Variants in MLH3 observed in about 807,000 individuals in gnomAD.
The protein encoded by MLH3 is DNA mismatch repair protein Mlh3.
In MLH3, 82 loss-of-function variants were observed where a neutral mutation model predicts 122.2. That is an observed-to-expected ratio of 0.67 (90% CI 0.56 to 0.81). The LOEUF is 0.81. Ranked by LOEUF, MLH3 falls within the 30% of genes least tolerant of loss-of-function variation. The probability of loss-of-function intolerance (pLI) is 0.00; values close to 1 mark genes in which losing one functional copy is unlikely to be tolerated. For synonymous variants in MLH3, 524 were observed against 599.5 expected, an observed-to-expected ratio of 0.87 and a Z score of 1.84; for missense variants, 1,539 against 1,714.5, an observed-to-expected ratio of 0.90 and a Z score of 1.81.
At chr14:75,032,210 T>C in intron 7 of MLH3, 31 bp from the exon 8 acceptor site, 2 of 1,298,918 alleles carry the variant, frequency 1.5e-6, no homozygotes, top group African/African-American at 1.5e-5. Context: ...GGGTTAAGAG[T>C]AGGAAGGGAA....
rs1357689104 is a variant in MLH3 at position 75,047,570 on chromosome 14, C to T, written c.2086G>A (p.Ala696Thr). ...GATTTTTTGCTACCTTCCTGAAAAGCAGAAAACATTGTATAAGTTGCTGTA... is the reference window on the plus strand; with the variant it reads ...GATTTTTTGCTACCTTCCTGAAAAGTAGAAAACATTGTATAAGTTGCTGTA... ...EPTATYTMFS[A>T]FQEGSKKSQT... The change falls in exon 2 of 13, where the codon GCT becomes ACT. Residue 696 changes from alanine to threonine, a missense_variant. Transcript: ENST00000355774. 4 of 1,613,910 alleles carry T rather than the reference C, an allele frequency of 2.5e-6. No individual in the cohort carries two copies. The highest frequency in any genetic ancestry group is 2.7e-5 in the African/African-American group (2 of 74,908).
At chr14:75,042,306 C>A in intron 3 of MLH3, 73 bp downstream of exon 3, 1 of 1,319,758 alleles carries the variant, frequency 7.6e-7, no homozygotes, top group Non-Finnish European at 1.1e-6. Flanking sequence ...AAGCTTAATG[C>A]AAGCCTGCTT....
At chr14:75,022,583 G>A (rs1045247358) in intron 11 of MLH3, among the ~76,000 whole-genome samples, 1 of 152,112 alleles carries the variant, frequency 6.6e-6, no homozygotes, top group Non-Finnish European at 1.5e-5. Context: ...TCTCCTCTAG[G>A]AGTTATTCCT....
Position 75,046,667 on chromosome 14 carries a change from T to G in MLH3, c.2989A>C (p.Ser997Arg), listed in dbSNP as rs2139550718. ...AACATTCCACTGGGAGAGTCAAGACTTCCTATCTGTTGTTCTGAGGCTCTG... is the reference window on the plus strand; with the variant it reads ...AACATTCCACTGGGAGAGTCAAGACGTCCTATCTGTTGTTCTGAGGCTCTG... ...LIRASEQQIG[S>R]LDSPSGMLMN... is the part of the protein sequence containing the mutation. The change falls in exon 2 of 13, where the codon AGT becomes CGT. Residue 997 changes from serine to arginine, a missense_variant. Coordinates refer to ENST00000355774, the MANE Select transcript of MLH3 (RefSeq NM_001040108.2). The G allele has an allele frequency of 1.9e-6, 3 of 1,614,244 alleles. No homozygotes were observed. Among genetic ancestry groups the G allele is most frequent in the Non-Finnish European group, 2.5e-6 (3 of 1,180,032 alleles).
At position 75,014,064 on chromosome 14, in the gene MLH3, T is replaced by C. The variant is rs574209790; in HGVS notation, c.*3018A>G. On this transcript the variant is annotated 3_prime_UTR_variant, in exon 13 of 13. Transcript: ENST00000355774. ...AAACTGCTCTTCCTTCACTCCACTG[T>C]GCCATGACTGGCTCCCACCCGAAGC... 2.2e-4 allele frequency: 39 copies of C among 179,226 alleles called. No homozygotes were observed. The highest frequency in any genetic ancestry group is 8.9e-4 in the African/African-American group (38 of 42,468). The allele number at this position is 179,226 out of a possible 1,614,324, so 11.1% of individuals were successfully genotyped here.
Position 75,046,477 on chromosome 14 carries a change from T to C in MLH3, c.3179A>G (p.Lys1060Arg), listed in dbSNP as rs1267004451. 6.2e-7 allele frequency: 1 copy of C among 1,614,104 alleles called. No individual in the cohort carries two copies. Among genetic ancestry groups the C allele is most frequent in the Non-Finnish European group, 8.5e-7 (1 of 1,180,038 alleles). ...AATGAATGTGCTGAGTCCAGTCATT[T>C]TGTTGACATAAACCATTCTTCCCAG... ...VALGRMVYVN[K>R]MTGLSTFIAP... Residue 1060 changes from lysine to arginine, a missense_variant, in exon 2 of 13, where the codon AAA becomes AGA. Lys to Arg is a conservative substitution (Grantham distance 26). Transcript: ENST00000355774.
Position 75,018,763 on chromosome 14 carries a change from T to TA in MLH3, c.4242+65dup, listed in dbSNP as rs1281027363. ...GTTAAGACAGATTACAGTTGCATAG[T>TA]AAAAGCCAGAAAAGAAAGAGAAAAT... On this transcript the variant is annotated intron_variant, in intron 12 of 12. Transcript: ENST00000355774. The TA allele has an allele frequency of 4.5e-6, 7 of 1,571,430 alleles. No homozygotes were observed. In the African/African-American group the frequency reaches 8.1e-5, roughly 18 times the overall value.
intron 11 of MLH3, among the ~76,000 whole-genome samples, chr14:75,021,509 T>A (rs989012493): frequency 6.6e-6 from 1 of 152,118 alleles, no homozygotes; most frequent in Non-Finnish European, 1.5e-5. Flanking sequence ...TATTAAAAAA[T>A]GGGCAAAGGA....
intron 1 of MLH3, among the ~76,000 whole-genome samples, 179 bp downstream of exon 1, chr14:75,051,201 C>T (rs371870561): frequency 3.3e-5 from 5 of 152,164 alleles, no homozygotes; most frequent in African/African-American, 1.2e-4. Context: ...GGCCCAGCCC[C>T]TCCCTGGCCA....
rs1890074696 is a variant in MLH3 at position 75,018,846 on chromosome 14, A to C, written c.4225T>G (p.Leu1409Val). 1.1e-5 allele frequency: 17 copies of C among 1,614,152 alleles called. No homozygotes were observed. The highest frequency in any genetic ancestry group is 1.4e-5 in the Non-Finnish European group (17 of 1,180,020). ...TAATGTACCTGTTTTTCCTGTTCCAAGTGGTCTATGTCAGCTAACGGCAGC... is the reference window on the plus strand; with the variant it reads ...TAATGTACCTGTTTTTCCTGTTCCACGTGGTCTATGTCAGCTAACGGCAGC... ...SMLPLADIDH[L>V]EQEKQIKPNL... Residue 1409 changes from leucine (L) to valine (V), a missense_variant, in exon 12 of 13, where the codon TTG (leucine) becomes GTG (valine). Leu to Val is a conservative substitution (Grantham distance 32). Transcript: ENST00000355774.
At chr14:75,030,079 A>T (rs534537495) in intron 9 of MLH3, among the ~76,000 whole-genome samples, 13 of 152,100 alleles carry the variant, frequency 8.5e-5, no homozygotes, top group Non-Finnish European at 1.6e-4. Context: ...GCTTGTGCCC[A>T]GGAGATCAAG....
chr14:75,043,110 G>T lies in MLH3; in HGVS notation c.3281-633C>A, dbSNP rs28757004. On this transcript the variant is annotated intron_variant, in intron 2 of 12. Coordinates refer to ENST00000355774, the MANE Select transcript of MLH3 (RefSeq NM_001040108.2). ...TTTCATTGTCACAACTTGAGTAAAG[G>T]GTTCTACGTTCTACTAGCATCTAGC... Among the ~76,000 whole-genome samples, 4 of 152,178 alleles carry T rather than the reference G, an allele frequency of 2.6e-5. No individual in the cohort carries two copies. In the East Asian group the frequency reaches 7.7e-4, roughly 29 times the overall value.
chr14:75,025,311 C>G (rs1890558255), intron 9 of MLH3, among the ~76,000 whole-genome samples: 1 of 152,176 alleles, frequency 6.6e-6, no homozygotes. Flanking sequence ...TCTTCTGCCC[C>G]ACCTCATCCC....
chr14:75,048,065 T>G lies in MLH3; in HGVS notation c.1591A>C (p.Ser531Arg). The change falls in exon 2 of 13, where the codon AGT becomes CGT. Residue 531 changes from serine to arginine, a missense_variant. Ser to Arg is a moderately radical substitution (Grantham distance 110). Coordinates refer to ENST00000355774, the MANE Select transcript of MLH3 (RefSeq NM_001040108.2). ...SGQDLEIWKE[S>R]TTVNGMAANI... Reference sequence around the variant, plus strand: ...GCAGCCATGCCATTAACAGTAGTACTTTCTTTCCATATTTCTAGATCCTGC... The same window carrying G: ...GCAGCCATGCCATTAACAGTAGTACGTTCTTTCCATATTTCTAGATCCTGC... The G allele has an allele frequency of 6.2e-7, 1 of 1,614,078 alleles. No homozygotes were observed. The highest frequency in any genetic ancestry group is 8.5e-7 in the Non-Finnish European group (1 of 1,180,000).
Position 75,038,350 on chromosome 14 carries a change from AT to A in MLH3, c.3632del (p.Asn1211MetfsTer49), listed in dbSNP as rs780151637. The A allele has an allele frequency of 5.0e-6, 8 of 1,613,328 alleles. No homozygotes were observed. The South Asian group carries it at 7.7e-5, about 15-fold the overall frequency. ...ACLMSTKTEE[N>X]GEAGGNLLVL... ...AAACTCCATTCTTACCTGCCTCGCCATTCTCTTCAGTCTTAGTGCTCATCAA... is the reference window on the plus strand; with the variant it reads ...AAACTCCATTCTTACCTGCCTCGCCATCTCTTCAGTCTTAGTGCTCATCAA... On this transcript the variant is annotated frameshift_variant, in exon 6 of 13. Coordinates refer to ENST00000355774, the MANE Select transcript of MLH3 (RefSeq NM_001040108.2). LOFTEE classifies it high-confidence loss of function.
intron 2 of MLH3, among the ~76,000 whole-genome samples, chr14:75,046,148 C>T (rs1595081975): frequency 6.7e-6 from 1 of 149,642 alleles, no homozygotes; most frequent in South Asian, 2.1e-4. Flanking sequence ...CCACTGCACT[C>T]CAGCCTGGGT....
intron 1 of MLH3, among the ~76,000 whole-genome samples, 187 bp downstream of exon 1, chr14:75,051,193 C>CCCAGCCCCTCCCTGG (rs1417386717): frequency 5.3e-5 from 8 of 152,164 alleles, no homozygotes; most frequent in Non-Finnish European, 1.0e-4. Context: ...TCCCGCCAGG[C>CCCAGCCCCTCCCTGG]CCAGCCCCTC....
intron 12 of MLH3, among the ~76,000 whole-genome samples, chr14:75,017,975 GTC>G (rs5809690): frequency 0.46 from 70,348 of 151,340 alleles, 18,185 homozygotes; most frequent in East Asian, 0.83. Flanking sequence ...GAGAAACGCT[GTC>G]TCTACTAAAA....
intron 9 of MLH3, among the ~76,000 whole-genome samples, chr14:75,027,143 G>A (rs928348692): frequency 2.6e-5 from 4 of 151,782 alleles, no homozygotes; most frequent in African/African-American, 9.7e-5. Flanking sequence ...CAAAAGTAGT[G>A]AAATATTTTC....
Sources: allele counts gnomAD v4.1 joint callset (sites outside exome capture counted in the v4.1 genomes callset), GRCh38; gene constraint gnomAD v4.1.1; transcripts MANE v1.5; gene names NCBI Gene and HGNC (gene_info 2026-07-23, HGNC 2026-07-21).